Variants in UNC79 observed in about 807,000 individuals in gnomAD.
The protein encoded by UNC79 is unc-79 subunit of NALCN channel complex, also known as protein unc-79 homolog.
UNC79 carries 37 observed loss-of-function variants against 283.1 expected under a neutral mutation model. The observed-to-expected ratio is 0.13, with a 90% CI of 0.10 to 0.17. UNC79 has a LOEUF of 0.17. Among genes scored for constraint, UNC79 ranks in the 10% least tolerant of loss-of-function variants. The pLI is 1.00. For missense variants in UNC79, 2,272 were observed against 3,211.1 expected (o/e 0.71, Z 7.07); for synonymous variants, 1,107 against 1,200.2 (o/e 0.92, Z 1.61).
chr14:93,670,339 C>T (rs181394349), intron 40 of UNC79, among the ~76,000 whole-genome samples: 2 of 152,290 alleles, frequency 1.3e-5, no homozygotes, highest in East Asian at 1.9e-4. Flanking sequence ...CCTTCATTTG[C>T]CAATTGCAGG....
chr14:93,548,886 C>G (rs2061735222), intron 14 of UNC79, among the ~76,000 whole-genome samples: 1 of 152,120 alleles, frequency 6.6e-6, no homozygotes, highest in Non-Finnish European at 1.5e-5. Context: ...CTTTATTTTC[C>G]AGAGAAAACT....
At chr14:93,336,813 A>G (rs1023169472) in intron 1 of UNC79, among the ~76,000 whole-genome samples, 2 of 152,222 alleles carry the variant, frequency 1.3e-5, no homozygotes, top group African/African-American at 2.4e-5. Context: ...AAGTGCATCA[A>G]AATGTACTGA....
chr14:93,340,434 G>A (rs111413108), intron 1 of UNC79, among the ~76,000 whole-genome samples: 15,587 of 118,676 alleles, frequency 0.13, 1,099 homozygotes, highest in African/African-American at 0.23. Context: ...AGAGCAAAAC[G>A]CTGTCTCAAA....
At chr14:93,703,668 C>T (rs961264833) in intron 47 of UNC79, among the ~76,000 whole-genome samples, 1 of 152,130 alleles carries the variant, frequency 6.6e-6, no homozygotes, top group Non-Finnish European at 1.5e-5. Context: ...CAATGCATGA[C>T]AACACTACTC....
intron 25 of UNC79, among the ~76,000 whole-genome samples, chr14:93,602,134 T>C (rs2065553008): frequency 6.6e-6 from 1 of 152,222 alleles, no homozygotes; most frequent in Non-Finnish European, 1.5e-5. Flanking sequence ...ATTTTTGTTT[T>C]TGTTGCATTT....
intron 48 of UNC79, among the ~76,000 whole-genome samples, chr14:93,704,932 A>G (rs975308774): frequency 2.0e-5 from 3 of 152,104 alleles, no homozygotes; most frequent in Non-Finnish European, 4.4e-5. Flanking sequence ...GCCTCAATCC[A>G]CTGATGAGAG....
intron 14 of UNC79, among the ~76,000 whole-genome samples, chr14:93,560,029 AG>A: frequency 6.6e-6 from 1 of 152,126 alleles, no homozygotes; most frequent in East Asian, 1.9e-4. Flanking sequence ...TTTTGTGGTA[AG>A]GGGTGATATT....
chr14:93,385,581 C>T (rs1399714312), intron 1 of UNC79, among the ~76,000 whole-genome samples: 3 of 152,066 alleles, frequency 2.0e-5, no homozygotes, highest in African/African-American at 7.2e-5. Flanking sequence ...GCATTCGAGA[C>T]CAGCCTGGCC....
exon 49 of UNC79, chr14:93,706,813 C>T: frequency 6.2e-7 from 1 of 1,614,226 alleles, no homozygotes; most frequent in Non-Finnish European, 8.5e-7. Flanking sequence ...GGCCTGGCAG[C>T]CCTCCGAAAG....
chr14:93,654,085 G>A lies in UNC79; in HGVS notation c.6282+60G>A, dbSNP rs1044080360. The A allele has an allele frequency of 8.9e-6, 13 of 1,455,956 alleles. 1 individual carries two copies. Among genetic ancestry groups the A allele is most frequent in the Middle Eastern group, 3.7e-4 (2 of 5,442 alleles). The allele number at this position is 1,455,956 out of a possible 1,614,324, so 90.2% of individuals were successfully genotyped here. A position where few individuals can be genotyped will look rare whatever the true frequency, so the allele number is the denominator to read the frequency against. On this transcript the variant is annotated intron_variant, in intron 37 of 48. Coordinates refer to ENST00000555664, the Ensembl canonical transcript of UNC79. The stretch of plus-strand genomic sequence containing the variant: ...CGAAACTCTAAGCCCCAGCACAACT[G>A]TGGGCTGTGTTTCTTTGAGTCACAC...
At chr14:93,480,886 A>G (rs2058095457) in intron 4 of UNC79, among the ~76,000 whole-genome samples, 1 of 152,198 alleles carries the variant, frequency 6.6e-6, no homozygotes, top group Non-Finnish European at 1.5e-5. Flanking sequence ...AGTACTTGAT[A>G]AAGTCTTTAA....
At position 93,374,047 on chromosome 14, in the gene UNC79, G is replaced by C. The variant is rs78032207; in HGVS notation, c.-351+40524G>C. On this transcript the variant is annotated intron_variant, in intron 1 of 49. Coordinates refer to the UNC79 transcript ENST00000256339. Reference sequence around the variant, plus strand: ...CAAAAGATGTCACTGAAAGCCTGGGGCCCCAAGCATAGACTTGTCACAGGT... The same window carrying C: ...CAAAAGATGTCACTGAAAGCCTGGGCCCCCAAGCATAGACTTGTCACAGGT... 4.3e-4 allele frequency among the ~76,000 whole-genome samples: 66 copies of C among 152,256 alleles called. 1 individual carries two copies. The East Asian group carries it at 0.01, about 24-fold the overall frequency.
intron 1 of UNC79, among the ~76,000 whole-genome samples, chr14:93,395,056 A>C (rs1454551389): frequency 2.0e-5 from 3 of 152,158 alleles, no homozygotes; most frequent in Admixed American, 2.0e-4. Flanking sequence ...CAAACAAAAA[A>C]CACATTTTTA....
Position 93,662,589 on chromosome 14 carries a change from C to T in UNC79, c.6526-15C>T, listed in dbSNP as rs773135303. 4.5e-6 allele frequency: 7 copies of T among 1,565,284 alleles called. No homozygotes were observed. The highest frequency in any genetic ancestry group is 1.2e-5 in the South Asian group (1 of 86,344). On this transcript the variant is annotated splice_polypyrimidine_tract_variant and intron_variant, in intron 39 of 48. Coordinates refer to ENST00000555664, the Ensembl canonical transcript of UNC79. Reference sequence around the variant, plus strand: ...AATCAGCAATTGACTTTATTTGGCCCCAATCTCATTGCAGAGTTTGTTGGA... The same window carrying T: ...AATCAGCAATTGACTTTATTTGGCCTCAATCTCATTGCAGAGTTTGTTGGA...
intron 1 of UNC79, among the ~76,000 whole-genome samples, chr14:93,437,762 A>G (rs1021303977): frequency 3.9e-5 from 6 of 152,160 alleles, no homozygotes; most frequent in African/African-American, 1.2e-4. Flanking sequence ...TAGCAGCATC[A>G]CGCCAATCTC....
chr14:93,350,910 G>A (rs2053969592), intron 1 of UNC79, among the ~76,000 whole-genome samples: 1 of 152,146 alleles, frequency 6.6e-6, no homozygotes, highest in Non-Finnish European at 1.5e-5. Flanking sequence ...TTTACCTCCA[G>A]TATAACTTTA....
intron 1 of UNC79, among the ~76,000 whole-genome samples, chr14:93,374,222 C>T (rs1432486280): frequency 1.3e-5 from 2 of 152,134 alleles, no homozygotes; most frequent in Non-Finnish European, 2.9e-5. Context: ...GAGTCACCGG[C>T]AACATGCAAC....
In UNC79 at chr14:93,436,676, T is replaced by C. The variant is rs149696420; in HGVS notation, c.22+5625T>C. ...TTGTTTCTTACATTTTGAAAATATA[T>C]GGATAGCTCTGCATAAATAAACATA... On this transcript the variant is annotated intron_variant, in intron 1 of 48. Transcript: ENST00000555664. Among the ~76,000 whole-genome samples the C allele has an allele frequency of 2.6e-5, 4 of 152,318 alleles. No homozygotes were observed. The East Asian group carries it at 7.7e-4, about 29-fold the overall frequency.
rs140292909 is a variant in UNC79, at chr14:93,688,654, C to T, written c.6910-11C>T. On this transcript the variant is annotated splice_polypyrimidine_tract_variant and intron_variant, in intron 43 of 48. Transcript: ENST00000555664. This position sits in a 1 kb window ranked among gnomAD's most constrained non-coding sequence, Gnocchi z 4.0. ...TCTGCCAGAGTTACAAAATACCATT[C>T]GGTTTTGTAGAGCCACATGAAGACA... The T allele has an allele frequency of 2.3e-4, 372 of 1,609,032 alleles. 1 individual carries two copies. The East Asian group carries it at 7.8e-3, about 34-fold the overall frequency.
Sources: allele counts gnomAD v4.1 joint callset (sites outside exome capture counted in the v4.1 genomes callset), GRCh38; gene constraint gnomAD v4.1.1; non-coding constraint Gnocchi (gnomAD v3.1); transcripts MANE v1.5; gene names NCBI Gene and HGNC (gene_info 2026-07-23, HGNC 2026-07-21).